Variants in TLL2 observed in about 807,000 individuals in gnomAD.
TLL2 encodes tolloid like 2.
TLL2 carries 106 observed loss-of-function variants against 123.0 expected under a neutral mutation model. That is an observed-to-expected ratio of 0.86 (90% CI 0.74 to 1.01). The LOEUF is 1.01. Ranked by LOEUF, TLL2 falls within the 50% of genes least tolerant of loss-of-function variation. TLL2 has a pLI of 0.00. For missense variants in TLL2, 1,332 were observed against 1,336.7 expected, an observed-to-expected ratio of 1.00 and a Z score of 0.06; for synonymous variants, 494 against 516.8, an observed-to-expected ratio of 0.96 and a Z score of 0.60.
chr10:96,387,285 A>G (rs1160971849), intron 13 of TLL2, among the ~76,000 whole-genome samples: 1 of 152,194 alleles, frequency 6.6e-6, no homozygotes, highest in Non-Finnish European at 1.5e-5. Context: ...ACGAGCAGGA[A>G]CACCTTGTTA....
chr10:96,461,149 A>G (rs1847078849), intron 2 of TLL2, among the ~76,000 whole-genome samples: 1 of 152,238 alleles, frequency 6.6e-6, no homozygotes, highest in African/African-American at 2.4e-5. Flanking sequence ...ATTTAATGGT[A>G]TGGCTCAATC....
At chr10:96,473,202 C>T (rs574344432) in intron 2 of TLL2, among the ~76,000 whole-genome samples, 1 of 152,214 alleles carries the variant, frequency 6.6e-6, no homozygotes, top group East Asian at 1.9e-4. Context: ...TCCCTGTAAT[C>T]CCAGAACTTT....
intron 2 of TLL2, among the ~76,000 whole-genome samples, chr10:96,469,069 C>T (rs1223155924): frequency 6.6e-6 from 1 of 152,266 alleles, no homozygotes; most frequent in Non-Finnish European, 1.5e-5. Context: ...CAGGCTGCGC[C>T]TGGTTCCTGT....
chr10:96,370,041 G>A (rs747581529), intron 20 of TLL2, 24 bp downstream of exon 20: 10 of 1,543,076 alleles, frequency 6.5e-6, no homozygotes, highest in African/African-American at 1.4e-5. Context: ...ACTCTGCCCC[G>A]GCCCCAGCGT....
intron 10 of TLL2, among the ~76,000 whole-genome samples, chr10:96,398,248 T>C (rs1846359343): frequency 6.6e-6 from 1 of 152,160 alleles, no homozygotes; most frequent in Admixed American, 6.5e-5. Context: ...AATGTAGACC[T>C]GCACCATTCT....
intron 10 of TLL2, 139 bp from the exon 11 acceptor site, chr10:96,397,441 C>T: frequency 1.8e-6 from 1 of 563,306 alleles, no homozygotes; most frequent in Non-Finnish European, 3.2e-6. Context: ...TATCCTGTAG[C>T]ACACACAGGA....
At chr10:96,466,284 A>G (rs1157169366) in intron 2 of TLL2, among the ~76,000 whole-genome samples, 2 of 152,224 alleles carry the variant, frequency 1.3e-5, no homozygotes, top group African/African-American at 4.8e-5. Context: ...AGAGGACCAA[A>G]GAGAAATAGG....
intron 5 of TLL2, among the ~76,000 whole-genome samples, chr10:96,423,499 T>C (rs984612458): frequency 2.0e-5 from 3 of 152,244 alleles, no homozygotes; most frequent in Non-Finnish European, 4.4e-5. Context: ...ATAATACTTA[T>C]ATACATTTTT....
At chr10:96,414,662 G>A (rs1259497464) in intron 7 of TLL2, among the ~76,000 whole-genome samples, 1 of 152,080 alleles carries the variant, frequency 6.6e-6, no homozygotes, top group African/African-American at 2.4e-5. Flanking sequence ...ATCCTCTGCT[G>A]AGCCCCAGAT....
At chr10:96,494,114 A>G (rs1313195619) in intron 1 of TLL2, among the ~76,000 whole-genome samples, 1 of 152,208 alleles carries the variant, frequency 6.6e-6, no homozygotes, top group Non-Finnish European at 1.5e-5. Flanking sequence ...AGCCGGGGAC[A>G]GCCCGGGCGG....
At chr10:96,467,329 A>G (rs1847140995) in intron 2 of TLL2, among the ~76,000 whole-genome samples, 1 of 151,836 alleles carries the variant, frequency 6.6e-6, no homozygotes, top group Non-Finnish European at 1.5e-5. Context: ...GGGCTCAAGC[A>G]CTCCTCCCAC....
At position 96,477,032 on chromosome 10, in the gene TLL2, CTTTTTT is replaced by C. The variant is rs10615764; in HGVS notation, c.286+3311_286+3316del. 6.9e-3 allele frequency among the ~76,000 whole-genome samples: 767 copies of C among 110,820 alleles called. 9 individuals carry two copies. Among genetic ancestry groups the C allele is most frequent in the African/African-American group, 0.025 (729 of 29,442 alleles). The allele number at this position is 110,820 out of a possible 152,430, so 72.7% of individuals were successfully genotyped here. A position where few individuals can be genotyped will look rare whatever the true frequency, so the allele number is the denominator to read the frequency against. On this transcript the variant is annotated intron_variant, in intron 2 of 20. Transcript: ENST00000357947. The stretch of plus-strand genomic sequence containing the variant: ...CTTTATACAATTATGAGCTACTGGA[CTTTTTT>C]TTTTTTTTTTTTTTTTACAACAAGC...
At chr10:96,386,348 AGTGTCCTTT>A in intron 14 of TLL2, 133 bp from the exon 15 acceptor site, 1 of 941,750 alleles carries the variant, frequency 1.1e-6, no homozygotes, top group Non-Finnish European at 1.5e-6. Context: ...TGATTAATTC[AGTGTCCTTT>A]GTTCAAAACT....
chr10:96,508,614 G>A (rs1163418609), intron 1 of TLL2, among the ~76,000 whole-genome samples: 1 of 151,968 alleles, frequency 6.6e-6, no homozygotes, highest in Non-Finnish European at 1.5e-5. Context: ...AACCCAAAAT[G>A]CTATACAGCA....
At position 96,370,225 on chromosome 10, in the gene TLL2, C is replaced by A. The variant is rs368842312; in HGVS notation, c.2753G>T (p.Arg918Leu). 7 of 1,613,654 alleles carry A rather than the reference C, an allele frequency of 4.3e-6. No homozygotes were observed. The highest frequency in any genetic ancestry group is 5.9e-6 in the Non-Finnish European group (7 of 1,179,804). ...CTCTGCCACGATCACCCAGTCACAGCGGGCCTCGCTCGGGTAGTTGTTGTC... is the reference window on the plus strand; with the variant it reads ...CTCTGCCACGATCACCCAGTCACAGAGGGCCTCGCTCGGGTAGTTGTTGTC... ...FGDNNYPSEARCDWVIVAEDG... is the reference protein window; with the variant it reads ...FGDNNYPSEALCDWVIVAEDG... Residue 918 changes from arginine (R) to leucine (L), a missense_variant, in exon 20 of 21, where the codon CGC (arginine) becomes CTC (leucine). Coordinates refer to ENST00000357947, the MANE Select transcript of TLL2 (RefSeq NM_012465.4).
chr10:96,460,535 G>C lies in TLL2; in HGVS notation c.287-14367C>G, dbSNP rs186292086. Among the ~76,000 whole-genome samples the C allele has an allele frequency of 4.6e-3, 698 of 152,240 alleles. 39 individuals carry two copies. The highest frequency in any genetic ancestry group is 0.043 in the Admixed American group (650 of 15,290). ...GGTGGGGTGTGATTGGATCATGGGG[G>C]CAGACTTCCCCCTTGCTGTTCTCAT... is the stretch of plus-strand genomic sequence containing the variant. On this transcript the variant is annotated intron_variant, in intron 2 of 20. Transcript: ENST00000357947.
intron 13 of TLL2, among the ~76,000 whole-genome samples, chr10:96,393,287 C>A (rs1172017279): frequency 6.6e-6 from 1 of 152,230 alleles, no homozygotes; most frequent in African/African-American, 2.4e-5. Context: ...CAGTCCATCA[C>A]AATAGCCAGA....
chr10:96,502,773 C>T (rs545348691), intron 1 of TLL2, among the ~76,000 whole-genome samples: 27 of 152,194 alleles, frequency 1.8e-4, no homozygotes, highest in African/African-American at 6.0e-4. Flanking sequence ...GGACTCACAT[C>T]GACTCCAGGC....
intron 1 of TLL2, among the ~76,000 whole-genome samples, chr10:96,480,728 C>T (rs539608233): frequency 4.6e-5 from 7 of 152,318 alleles, no homozygotes; most frequent in Admixed American, 3.3e-4. Context: ...CTGTCTTGTC[C>T]TCGCTCTAGG....
Sources: allele counts gnomAD v4.1 joint callset (sites outside exome capture counted in the v4.1 genomes callset), GRCh38; gene constraint gnomAD v4.1.1; transcripts MANE v1.5; gene names NCBI Gene and HGNC (gene_info 2026-07-23, HGNC 2026-07-21).